PCDH15: variants seen among roughly 807,000 people sequenced by gnomAD.
PCDH15 encodes protocadherin related 15.
PCDH15 carries 129 observed loss-of-function variants against 178.5 expected under a neutral mutation model. The observed-to-expected ratio is 0.72, with a 90% CI of 0.63 to 0.84. The LOEUF (loss-of-function observed/expected upper bound fraction) is 0.84. PCDH15 is among the 40% of genes least tolerant of loss of function. The pLI is 0.00. For synonymous variants in PCDH15, 800 were observed against 732.0 expected (o/e 1.09, Z -1.50); for missense variants, 2,230 against 2,099.9 (o/e 1.06, Z -1.21).
intron 2 of PCDH15, among the ~76,000 whole-genome samples, chr10:55,544,176 T>TATATATATATATATA (rs1841829381): frequency 2.2e-5 from 2 of 90,880 alleles, no homozygotes; most frequent in South Asian, 3.5e-4. Context: ...ATATATATAT[T>TATATATATATATATA]ATACTGACAG....
chr10:55,221,409 T>A (rs1388775427), intron 1 of PCDH15, among the ~76,000 whole-genome samples: 1 of 152,170 alleles, frequency 6.6e-6, no homozygotes, highest in East Asian at 1.9e-4. Context: ...ACAGTGCTCT[T>A]CTTTGTAAAT....
chr10:55,096,510 C>T (rs1418659819), intron 2 of PCDH15, among the ~76,000 whole-genome samples: 1 of 152,038 alleles, frequency 6.6e-6, no homozygotes, highest in East Asian at 1.9e-4. Context: ...TACTTAAGAT[C>T]TACTTTTAGC....
At chr10:54,016,895 G>T (rs1035921755) in intron 20 of PCDH15, among the ~76,000 whole-genome samples, 1 of 152,110 alleles carries the variant, frequency 6.6e-6, no homozygotes, top group Admixed American at 6.5e-5. Flanking sequence ...AAGCTTTAAA[G>T]AAAGAAAAGT....
At chr10:55,159,329 G>T (rs1838988416) in intron 2 of PCDH15, among the ~76,000 whole-genome samples, 1 of 142,356 alleles carries the variant, frequency 7.0e-6, no homozygotes, top group South Asian at 2.3e-4. Flanking sequence ...TCCTTTAGGA[G>T]GTAAGATTAC....
intron 1 of PCDH15, among the ~76,000 whole-genome samples, chr10:54,721,077 A>C (rs1301340206): frequency 6.6e-6 from 1 of 152,052 alleles, no homozygotes; most frequent in Non-Finnish European, 1.5e-5. Flanking sequence ...AATTAATACC[A>C]AGAGTAATTC....
At chr10:55,259,239 A>G (rs1298335646) in intron 1 of PCDH15, among the ~76,000 whole-genome samples, 1 of 152,204 alleles carries the variant, frequency 6.6e-6, no homozygotes, top group East Asian at 1.9e-4. Flanking sequence ...TAGTATTTGA[A>G]AAATGAGCCA....
intron 2 of PCDH15, among the ~76,000 whole-genome samples, chr10:55,145,450 G>C (rs1023169112): frequency 1.3e-5 from 2 of 152,002 alleles, no homozygotes; most frequent in Non-Finnish European, 2.9e-5. Flanking sequence ...TGTTAGAGAA[G>C]AGTGTGAACA....
intron 2 of PCDH15, among the ~76,000 whole-genome samples, chr10:54,968,711 T>C (rs1200855168): frequency 1.3e-5 from 2 of 152,158 alleles, no homozygotes; most frequent in Non-Finnish European, 2.9e-5. Context: ...CATTGTGTCA[T>C]AAAATACTTT....
At chr10:55,414,531 C>T (rs979107430) in intron 2 of PCDH15, among the ~76,000 whole-genome samples, 20 of 151,570 alleles carry the variant, frequency 1.3e-4, no homozygotes, top group East Asian at 5.8e-4. Context: ...TACGTTTTTA[C>T]TTATTTATGT....
At chr10:55,068,784 T>TGC (rs1554827590) in intron 2 of PCDH15, among the ~76,000 whole-genome samples, 1 of 151,820 alleles carries the variant, frequency 6.6e-6, no homozygotes, top group African/African-American at 2.4e-5. Context: ...TGTGTGTGTG[T>TGC]GCGTGCACGT....
intron 2 of PCDH15, among the ~76,000 whole-genome samples, chr10:54,569,637 G>A (rs1289326060): frequency 6.6e-6 from 1 of 152,094 alleles, no homozygotes; most frequent in African/African-American, 2.4e-5. Context: ...TCTACTCCAA[G>A]GTTGGCTTTG....
At chr10:54,741,983 T>C (rs1290008486) in intron 1 of PCDH15, among the ~76,000 whole-genome samples, 2 of 152,052 alleles carry the variant, frequency 1.3e-5, no homozygotes, top group Non-Finnish European at 2.9e-5. Context: ...CACCTTTGAG[T>C]GGCTAATGTT....
At chr10:55,442,499 A>G (rs1589031686) in intron 2 of PCDH15, among the ~76,000 whole-genome samples, 1 of 130,472 alleles carries the variant, frequency 7.7e-6, no homozygotes, top group African/African-American at 3.0e-5. Context: ...ATATATATAT[A>G]TGTAAGCTGG....
intron 1 of PCDH15, among the ~76,000 whole-genome samples, chr10:55,220,572 T>C (rs1048739279): frequency 6.6e-6 from 1 of 152,052 alleles, no homozygotes; most frequent in Non-Finnish European, 1.5e-5. Context: ...AGACTATATT[T>C]CTCCTAAGCT....
chr10:53,821,294 T>C, intron 32 of PCDH15: 1 of 985,988 alleles, frequency 1.0e-6, no homozygotes, highest in Middle Eastern at 5.2e-4. Context: ...GATGACTACA[T>C]GTTATAGCAC....
chr10:55,117,290 T>A (rs1323964492), intron 2 of PCDH15, among the ~76,000 whole-genome samples: 1 of 152,168 alleles, frequency 6.6e-6, no homozygotes, highest in African/African-American at 2.4e-5. Context: ...ATCTGCAGAG[T>A]AACCAGCCTT....
intron 1 of PCDH15, among the ~76,000 whole-genome samples, chr10:55,267,121 G>T (rs977537810): frequency 6.6e-6 from 1 of 152,068 alleles, no homozygotes; most frequent in African/African-American, 2.4e-5. Flanking sequence ...AGGCAGGGAG[G>T]GGGAGGGTAG....
At chr10:54,340,865 G>A (rs1474724505) in intron 6 of PCDH15, among the ~76,000 whole-genome samples, 1 of 152,076 alleles carries the variant, frequency 6.6e-6, no homozygotes, top group Admixed American at 6.6e-5. Flanking sequence ...GTTGTTGCAT[G>A]CTTACTTGAG....
chr10:55,523,726 T>C (rs1038043359), intron 2 of PCDH15, among the ~76,000 whole-genome samples: 2 of 151,600 alleles, frequency 1.3e-5, no homozygotes, highest in Non-Finnish European at 3.0e-5. Flanking sequence ...AGATTCCATA[T>C]AGAAGGCGAA....
Sources: gnomAD v4.1 joint callset for allele counts (sites outside exome capture counted in the v4.1 genomes callset) on GRCh38, gnomAD v4.1.1 for gene constraint, MANE v1.5 for transcripts, NCBI Gene and HGNC (gene_info 2026-07-23, HGNC 2026-07-21) for gene names.